Variants in DYNC1I2 observed in about 807,000 individuals in gnomAD.
DYNC1I2 encodes the protein dynein cytoplasmic 1 intermediate chain 2.
A neutral mutation model predicts 88.6 loss-of-function variants in DYNC1I2; 53 were observed. That is an observed-to-expected ratio of 0.60 (90% CI 0.48 to 0.75). The LOEUF is 0.75. Ranked by LOEUF, DYNC1I2 falls within the 30% of genes least tolerant of loss-of-function variation. The pLI is 0.00. For missense variants in DYNC1I2, 458 were observed against 766.6 expected, an observed-to-expected ratio of 0.60 and a Z score of 4.75; for synonymous variants, 198 against 254.6, an observed-to-expected ratio of 0.78 and a Z score of 2.12.
intron 3 of DYNC1I2, among the ~76,000 whole-genome samples, chr2:171,702,998 T>C (rs563372123): frequency 1.2e-4 from 19 of 152,220 alleles, no homozygotes; most frequent in Non-Finnish European, 1.9e-4. Context: ...ATGCTGGGAT[T>C]ACAGGCATGA....
intron 11 of DYNC1I2, 78 bp from the exon 12 acceptor site, chr2:171,727,743 G>T: frequency 3.0e-6 from 4 of 1,351,312 alleles, no homozygotes; most frequent in South Asian, 2.7e-5. Flanking sequence ...GAAATGTTTC[G>T]GATAATAGAT....
chr2:171,717,230 C>T (rs1687566496), intron 7 of DYNC1I2, among the ~76,000 whole-genome samples: 1 of 150,102 alleles, frequency 6.7e-6, no homozygotes, highest in Admixed American at 6.7e-5. Flanking sequence ...TCTCCCACCT[C>T]AGCTTCCTGA....
At chr2:171,717,378 G>A (rs1346799234) in intron 7 of DYNC1I2, among the ~76,000 whole-genome samples, 1 of 152,134 alleles carries the variant, frequency 6.6e-6, no homozygotes, top group African/African-American at 2.4e-5. Flanking sequence ...GCCTCCCAAA[G>A]TGCTGGGATT....
rs1424311004 is a variant in DYNC1I2, at chr2:171,713,599, TATCC to T, written c.395+780_395+783del. ...AATTTTGTTGACATAGAGATAAGATTATCCATCCATTCATTCATTCAGTTATTTA... is the reference window on the plus strand; with the variant it reads ...AATTTTGTTGACATAGAGATAAGATTATCCATTCATTCATTCAGTTATTTA... On this transcript the variant is annotated intron_variant, in intron 6 of 17. Transcript: ENST00000397119. Among the ~76,000 whole-genome samples the T allele has an allele frequency of 2.0e-4, 31 of 152,268 alleles. 1 individual carries two copies. In the East Asian group the frequency reaches 4.2e-3, roughly 21 times the overall value.
chr2:171,743,945 T>TA, intron 15 of DYNC1I2, 104 bp from the exon 16 acceptor site: 5 of 1,043,980 alleles, frequency 4.8e-6, no homozygotes, highest in Non-Finnish European at 6.4e-6. Context: ...CATAAAATGT[T>TA]ATCATACCTG....
intron 3 of DYNC1I2, among the ~76,000 whole-genome samples, chr2:171,696,285 A>C (rs1685761836): frequency 6.6e-6 from 1 of 152,222 alleles, no homozygotes; most frequent in Admixed American, 6.5e-5. Flanking sequence ...AAAATGCCCC[A>C]AAATCTGAAA....
intron 7 of DYNC1I2, among the ~76,000 whole-genome samples, chr2:171,725,190 G>T (rs1484559527): frequency 6.6e-6 from 1 of 152,122 alleles, no homozygotes; most frequent in Non-Finnish European, 1.5e-5. Flanking sequence ...TTAGACATTT[G>T]ATTTTCCTCA....
At chr2:171,712,929 A>G in intron 6 of DYNC1I2, 103 bp downstream of exon 6, 1 of 952,710 alleles carries the variant, frequency 1.0e-6, no homozygotes, top group South Asian at 1.4e-5. Context: ...TGTATCACGT[A>G]GTAAGGACAA....
chr2:171,727,004 A>C, intron 11 of DYNC1I2, 88 bp downstream of exon 11: 4 of 1,373,300 alleles, frequency 2.9e-6, no homozygotes, highest in Non-Finnish European at 3.8e-6. Context: ...TCTTGTCAAC[A>C]TAATGATTTC....
chr2:171,709,283 A>G (rs976426582), intron 5 of DYNC1I2, among the ~76,000 whole-genome samples: 1 of 152,208 alleles, frequency 6.6e-6, no homozygotes, highest in Non-Finnish European at 1.5e-5. Context: ...GAATTAAAAC[A>G]TGTCCCCATG....
At chr2:171,732,981 C>CT (rs1002484472) in intron 15 of DYNC1I2, among the ~76,000 whole-genome samples, 3 of 152,148 alleles carry the variant, frequency 2.0e-5, no homozygotes, top group African/African-American at 7.2e-5. Flanking sequence ...TCCTGAGCCT[C>CT]TCCCTCCTCC....
At chr2:171,727,740 T>G in intron 11 of DYNC1I2, 81 bp from the exon 12 acceptor site, 1 of 1,332,090 alleles carries the variant, frequency 7.5e-7, no homozygotes, top group Non-Finnish European at 1.0e-6. Flanking sequence ...AAAGAAATGT[T>G]TCGGATAATA....
At chr2:171,690,049 C>A in intron 1 of DYNC1I2, 98 bp from the exon 2 acceptor site, 2 of 656,522 alleles carry the variant, frequency 3.0e-6, no homozygotes, top group Non-Finnish European at 2.5e-6. Flanking sequence ...TTTGAGATAG[C>A]ATTGAACTAT....
At chr2:171,735,078 A>G (rs1309167429) in intron 15 of DYNC1I2, among the ~76,000 whole-genome samples, 1 of 152,176 alleles carries the variant, frequency 6.6e-6, no homozygotes, top group Admixed American at 6.5e-5. Context: ...GGAAGACTGA[A>G]TCGTGAGATA....
At chr2:171,733,046 A>T (rs181215213) in intron 15 of DYNC1I2, among the ~76,000 whole-genome samples, 1 of 152,058 alleles carries the variant, frequency 6.6e-6, no homozygotes, top group Non-Finnish European at 1.5e-5. Context: ...ATGTGTCTAC[A>T]TGTATGTTCA....
At chr2:171,720,806 C>T (rs903194602) in intron 7 of DYNC1I2, among the ~76,000 whole-genome samples, 19 of 151,816 alleles carry the variant, frequency 1.3e-4, no homozygotes, top group African/African-American at 4.6e-4. Flanking sequence ...TAGTTTTAAC[C>T]CTCAGAGGAC....
intron 4 of DYNC1I2, 47 bp from the exon 5 acceptor site, chr2:171,707,240 A>G: frequency 6.2e-7 from 1 of 1,613,196 alleles, no homozygotes; most frequent in Non-Finnish European, 8.5e-7. Context: ...AAGCTGAGCA[A>G]CCTCTCCGTG....
intron 5 of DYNC1I2, among the ~76,000 whole-genome samples, chr2:171,708,067 TCA>T (rs71013065): frequency 1.1e-4 from 16 of 149,324 alleles, no homozygotes; most frequent in South Asian, 2.1e-4. Context: ...TTTGTCTCTC[TCA>T]CACACACACA....
chr2:171,746,755 A>G lies in DYNC1I2; in HGVS notation c.1803+828A>G, dbSNP rs556980005. On this transcript the variant is annotated intron_variant, in intron 17 of 17. Coordinates refer to ENST00000397119, the MANE Select transcript of DYNC1I2 (RefSeq NM_001378.3). ...ATTTTTAATTTTAATTAATTTTAATATACACAGTCACATGTGGCCAGTAGC... is the reference window on the plus strand; with the variant it reads ...ATTTTTAATTTTAATTAATTTTAATGTACACAGTCACATGTGGCCAGTAGC... 1.1e-4 allele frequency among the ~76,000 whole-genome samples: 17 copies of G among 152,294 alleles called. 1 individual carries two copies. In the East Asian group the frequency reaches 1.5e-3, roughly 14 times the overall value.
Sources: gnomAD v4.1 joint callset for allele counts (sites outside exome capture counted in the v4.1 genomes callset) on GRCh38, gnomAD v4.1.1 for gene constraint, MANE v1.5 for transcripts, NCBI Gene and HGNC (gene_info 2026-07-23, HGNC 2026-07-21) for gene names.